Variants in VEPH1 observed in about 807,000 individuals in gnomAD.
VEPH1 encodes the protein ventricular zone-expressed PH domain-containing protein homolog 1.
Under a neutral mutation model 85.2 loss-of-function variants are expected in VEPH1, and 80 were observed. That is an observed-to-expected ratio of 0.94 (90% CI 0.78 to 1.13). VEPH1 has a LOEUF of 1.13. Ranked by LOEUF, VEPH1 falls within the 50% of genes most tolerant of loss-of-function variation. The pLI is 0.00. For missense variants in VEPH1, 955 were observed against 980.5 expected, an observed-to-expected ratio of 0.97 and a Z score of 0.35; for synonymous variants, 297 against 348.0, an observed-to-expected ratio of 0.85 and a Z score of 1.63.
chr3:157,272,437 T>C (rs1577204726), intron 12 of VEPH1, among the ~76,000 whole-genome samples: 1 of 139,780 alleles, frequency 7.2e-6, no homozygotes, highest in African/African-American at 2.7e-5. Flanking sequence ...CTTTCTTTCT[T>C]TCCTTCTCTC....
At chr3:157,386,422 C>G (rs1729310349) in intron 6 of VEPH1, among the ~76,000 whole-genome samples, 1 of 151,948 alleles carries the variant, frequency 6.6e-6, no homozygotes, top group South Asian at 2.1e-4. Context: ...GATGTGTACT[C>G]AGGATTGAGA....
At chr3:157,303,241 G>C (rs1719042570) in intron 11 of VEPH1, among the ~76,000 whole-genome samples, 1 of 152,090 alleles carries the variant, frequency 6.6e-6, no homozygotes, top group Non-Finnish European at 1.5e-5. Flanking sequence ...GCTCAGAGAA[G>C]GCTTCCTTGA....
At chr3:157,295,585 T>C (rs1302996966) in intron 11 of VEPH1, among the ~76,000 whole-genome samples, 2 of 69,926 alleles carry the variant, frequency 2.9e-5, no homozygotes, top group Non-Finnish European at 6.0e-5. Context: ...ATTTAGTCAC[T>C]TCACACAGCA....
At chr3:157,437,842 G>T in intron 4 of VEPH1, 1 of 1,496,454 alleles carries the variant, frequency 6.7e-7, no homozygotes, top group South Asian at 1.2e-5. Context: ...CGCGGTGCTA[G>T]AGGAGCTGCG....
rs1457588552 is a variant in VEPH1 at position 157,428,501 on chromosome 3, C to T, written c.530-13G>A. On this transcript the variant is annotated splice_polypyrimidine_tract_variant and intron_variant, in intron 4 of 13. Transcript: ENST00000362010. ...AACATGGTGTTACCTGTTGAGGGAA[C>T]AATAAAGGGAATGATGACTTTATCA... 1 of 1,611,538 alleles carries T rather than the reference C, an allele frequency of 6.2e-7. No individual in the cohort carries two copies. The highest frequency in any genetic ancestry group is 8.5e-7 in the Non-Finnish European group (1 of 1,179,206).
At chr3:157,292,503 C>T (rs760614173) in intron 11 of VEPH1, among the ~76,000 whole-genome samples, 18 of 151,398 alleles carry the variant, frequency 1.2e-4, no homozygotes, top group Non-Finnish European at 2.2e-4. Context: ...ACCAGCCTGG[C>T]CAGCCCGGTG....
intron 12 of VEPH1, among the ~76,000 whole-genome samples, chr3:157,273,044 C>G (rs879412228): frequency 3.9e-5 from 6 of 152,086 alleles, no homozygotes; most frequent in Non-Finnish European, 8.8e-5. Flanking sequence ...AACCATGGGT[C>G]TAAAGAATAG....
intron 2 of VEPH1, among the ~76,000 whole-genome samples, chr3:157,475,906 C>T (rs945127136): frequency 1.3e-5 from 2 of 152,100 alleles, no homozygotes; most frequent in African/African-American, 4.8e-5. Context: ...GAAAAAAGAA[C>T]GATTGAGAAA....
At chr3:157,312,908 T>G (rs1266446953) in intron 11 of VEPH1, among the ~76,000 whole-genome samples, 1 of 141,532 alleles carries the variant, frequency 7.1e-6, no homozygotes, top group Non-Finnish European at 1.5e-5. Context: ...ACATTTTTTT[T>G]TTTTTTTTTT....
chr3:157,425,362 T>G (rs1732682178), intron 5 of VEPH1, among the ~76,000 whole-genome samples: 1 of 152,112 alleles, frequency 6.6e-6, no homozygotes, highest in African/African-American at 2.4e-5. Flanking sequence ...GGTCAGAGCC[T>G]CCACACAGAG....
chr3:157,477,781 C>T lies in VEPH1; in HGVS notation c.139-7252G>A, dbSNP rs545518839. Among the ~76,000 whole-genome samples, 12 of 152,250 alleles carry T rather than the reference C, an allele frequency of 7.9e-5. No individual in the cohort carries two copies. In the South Asian group the frequency reaches 2.5e-3, roughly 32 times the overall value. ...AAGTTATGCATCATTCAACGCTGCC[C>T]TGATGTGAAACCTGACAGCAACAGA... is the stretch of plus-strand genomic sequence containing the variant. On this transcript the variant is annotated intron_variant, in intron 2 of 13. Coordinates refer to ENST00000362010, the MANE Select transcript of VEPH1 (RefSeq NM_001167912.2).
chr3:157,453,692 G>T (rs922385790), intron 4 of VEPH1, among the ~76,000 whole-genome samples: 6 of 152,188 alleles, frequency 3.9e-5, no homozygotes, highest in Non-Finnish European at 5.9e-5. Context: ...AGGCTGTCTG[G>T]TAGGGGATGT....
At chr3:157,425,921 T>A (rs1350024484) in intron 5 of VEPH1, among the ~76,000 whole-genome samples, 1 of 152,104 alleles carries the variant, frequency 6.6e-6, no homozygotes, top group East Asian at 1.9e-4. Context: ...GGGAGATAAT[T>A]TGAATTATGA....
intron 5 of VEPH1, among the ~76,000 whole-genome samples, chr3:157,416,420 C>T (rs1731914427): frequency 6.6e-6 from 1 of 152,148 alleles, no homozygotes; most frequent in Non-Finnish European, 1.5e-5. Flanking sequence ...TCTACAAATG[C>T]TGCCTGTGCA....
chr3:157,473,791 GGTATCA>G lies in VEPH1; in HGVS notation c.139-3268_139-3263del, dbSNP rs1737201744. On this transcript the variant is annotated intron_variant, in intron 2 of 13. Transcript: ENST00000362010. The stretch of plus-strand genomic sequence containing the variant: ...ATATTATAATTTACAATATTAAAGA[GGTATCA>G]GTCTATTGCTATTTATTGAGTTTAT... Among the ~76,000 whole-genome samples the G allele has an allele frequency of 2.0e-5, 3 of 152,086 alleles. No individual in the cohort carries two copies. In the South Asian group the frequency reaches 6.2e-4, roughly 32 times the overall value.
chr3:157,416,852 GAGAGAA>G (rs929818567), intron 5 of VEPH1, among the ~76,000 whole-genome samples: 2 of 149,726 alleles, frequency 1.3e-5, no homozygotes, highest in African/African-American at 5.0e-5. Context: ...AGAAAAGAAA[GAGAGAA>G]AGAGAAAGAA....
At chr3:157,383,329 C>T (rs1728965979) in intron 6 of VEPH1, among the ~76,000 whole-genome samples, 2 of 152,198 alleles carry the variant, frequency 1.3e-5, no homozygotes, top group Admixed American at 6.5e-5. Flanking sequence ...TTACATGTGC[C>T]AGTCAAGTCT....
chr3:157,397,438 T>G (rs1215973408), intron 6 of VEPH1, among the ~76,000 whole-genome samples: 1 of 152,220 alleles, frequency 6.6e-6, no homozygotes, highest in Middle Eastern at 3.2e-3. Context: ...CATATGAATT[T>G]TAAAGTAGTT....
chr3:157,268,316 C>T (rs1714030903), intron 12 of VEPH1, among the ~76,000 whole-genome samples: 1 of 152,030 alleles, frequency 6.6e-6, no homozygotes, highest in South Asian at 2.1e-4. Flanking sequence ...TGTTTATTAA[C>T]AGTACACCAT....
Sources: allele counts gnomAD v4.1 joint callset (sites outside exome capture counted in the v4.1 genomes callset), GRCh38; gene constraint gnomAD v4.1.1; transcripts MANE v1.5; gene names NCBI Gene and HGNC (gene_info 2026-07-23, HGNC 2026-07-21).